The following GALNT14 variants were observed in gnomAD, a reference collection of about 807,000 sequenced individuals.
The protein encoded by GALNT14 is polypeptide N-acetylgalactosaminyltransferase 14.
A neutral mutation model predicts 77.5 loss-of-function variants in GALNT14; 60 were observed. That is an observed-to-expected ratio of 0.77 (90% CI 0.63 to 0.96). The LOEUF is 0.96. Among genes scored for constraint, GALNT14 ranks in the 40% least tolerant of loss-of-function variants. The pLI, the probability that GALNT14 is intolerant of heterozygous loss-of-function variation, is 0.00. For missense variants in GALNT14, 710 were observed against 731.0 expected (o/e 0.97, Z 0.33); for synonymous variants, 280 against 281.7 (o/e 0.99, Z 0.06).
At chr2:31,082,035 G>A (rs952689286) in intron 1 of GALNT14, among the ~76,000 whole-genome samples, 2 of 152,160 alleles carry the variant, frequency 1.3e-5, no homozygotes, top group African/African-American at 4.8e-5. Flanking sequence ...ACATCAACAG[G>A]GCAGGGAGCA....
At chr2:31,002,453 A>G (rs995434412) in intron 1 of GALNT14, among the ~76,000 whole-genome samples, 1 of 151,864 alleles carries the variant, frequency 6.6e-6, no homozygotes, top group Non-Finnish European at 1.5e-5. Context: ...TGAACTCACT[A>G]CTGAGATTCT....
At chr2:31,002,888 A>G (rs1363807383) in intron 1 of GALNT14, among the ~76,000 whole-genome samples, 2 of 152,164 alleles carry the variant, frequency 1.3e-5, no homozygotes, top group African/African-American at 2.4e-5. Flanking sequence ...CTTTCCCCTC[A>G]CCGAGGGACC....
At chr2:31,063,138 C>T (rs1172312367) in intron 1 of GALNT14, among the ~76,000 whole-genome samples, 5 of 152,128 alleles carry the variant, frequency 3.3e-5, no homozygotes, top group African/African-American at 1.2e-4. Context: ...TTTGCCCATG[C>T]CTATGTCCTG....
intron 1 of GALNT14, among the ~76,000 whole-genome samples, chr2:31,124,584 G>T (rs574186729): frequency 3.9e-5 from 6 of 152,268 alleles, no homozygotes; most frequent in Admixed American, 3.9e-4. Flanking sequence ...AAGAGAAAAT[G>T]TTAACAATTA....
chr2:31,126,738 C>G (rs1418699027), intron 1 of GALNT14: 1 of 152,262 alleles, frequency 6.6e-6, no homozygotes, highest in African/African-American at 2.4e-5. Flanking sequence ...GGCTACTATA[C>G]CAGCCAAAGT....
At chr2:31,015,562 G>C (rs779933790) in intron 1 of GALNT14, among the ~76,000 whole-genome samples, 1 of 152,192 alleles carries the variant, frequency 6.6e-6, no homozygotes, top group Non-Finnish European at 1.5e-5. Context: ...GGGAAAAAAA[G>C]AGTAATTTTA....
intron 1 of GALNT14, among the ~76,000 whole-genome samples, chr2:31,130,736 G>GTGTA (rs1206756364): frequency 6.4e-4 from 23 of 35,684 alleles, no homozygotes; most frequent in African/African-American, 2.3e-3. Flanking sequence ...GGGTACCTCT[G>GTGTA]TGTGTGTGTG....
chr2:31,075,482 T>C (rs111975076), intron 1 of GALNT14, among the ~76,000 whole-genome samples: 1,602 of 152,322 alleles, frequency 0.011, 13 homozygotes, highest in South Asian at 0.028. Context: ...CTCTGCGTCC[T>C]GGAGATCGGC....
At chr2:31,017,068 A>G (rs1415999611) in intron 1 of GALNT14, among the ~76,000 whole-genome samples, 3 of 152,262 alleles carry the variant, frequency 2.0e-5, no homozygotes, top group African/African-American at 7.2e-5. Context: ...TAGCTATGGC[A>G]GACTTCTAAT....
Position 31,027,921 on chromosome 2 carries a change from C to T in GALNT14, c.130-34914G>A, listed in dbSNP as rs547728506. Among the ~76,000 whole-genome samples the T allele has an allele frequency of 4.7e-4, 30 of 63,844 alleles. 1 individual carries two copies. Among genetic ancestry groups the T allele is most frequent in the South Asian group, 4.1e-3 (10 of 2,422 alleles). 41.9% of individuals were successfully genotyped at this position (63,844 alleles called of 152,430 possible). A position where few individuals can be genotyped will look rare whatever the true frequency, so the allele number is the denominator to read the frequency against. On this transcript the variant is annotated intron_variant, in intron 1 of 14. Coordinates refer to ENST00000349752, the MANE Select transcript of GALNT14 (RefSeq NM_024572.4). ...GTGTGTGTGTGTGTGTGTGTGTGCA[C>T]GCATGCATGCGCACATGCTTGGGGT...
intron 9 of GALNT14, among the ~76,000 whole-genome samples, chr2:30,938,791 T>C (rs1176708445): frequency 6.6e-6 from 1 of 152,250 alleles, no homozygotes; most frequent in Admixed American, 6.5e-5. Flanking sequence ...ACAGACACTC[T>C]GGCCAGAGCC....
At chr2:31,080,658 G>A (rs528897609) in intron 1 of GALNT14, among the ~76,000 whole-genome samples, 13 of 152,312 alleles carry the variant, frequency 8.5e-5, no homozygotes, top group South Asian at 4.1e-4. Context: ...CTCAGATGAC[G>A]TGGTTTCTCA....
chr2:30,994,033 C>A (rs1438801619), intron 1 of GALNT14, among the ~76,000 whole-genome samples: 1 of 152,224 alleles, frequency 6.6e-6, no homozygotes, highest in African/African-American at 2.4e-5. Flanking sequence ...TTAGCACTCT[C>A]ACCCCTGGGG....
intron 1 of GALNT14, among the ~76,000 whole-genome samples, chr2:31,042,020 G>A (rs953363573): frequency 1.3e-5 from 2 of 152,134 alleles, no homozygotes; most frequent in African/African-American, 4.8e-5. Flanking sequence ...CTGAACCTAA[G>A]GTCCCAGTGG....
chr2:30,966,231 C>A lies in GALNT14; in HGVS notation c.371G>T (p.Arg124Leu). 2 of 1,613,950 alleles carry A rather than the reference C, an allele frequency of 1.2e-6. No individual in the cohort carries two copies. The highest frequency in any genetic ancestry group is 1.7e-6 in the Non-Finnish European group (2 of 1,179,880). The change falls in exon 3 of 15, where the codon CGC becomes CTC. Residue 124 changes from arginine (R) to leucine (L), a missense_variant. Arg to Leu is a moderately radical substitution (Grantham distance 102). Coordinates refer to ENST00000349752, the MANE Select transcript of GALNT14 (RefSeq NM_024572.4). ...GCGGATGGTCCTGAGCAGCGTGGAG[C>A]GGGCCTCGTTGTGGAAGGTGATGAT... ...SIIITFHNEA[R>L]STLLRTIRSV...
the GALNT14 span, among the ~76,000 whole-genome samples, chr2:30,902,379 G>C: frequency 6.6e-6 from 1 of 152,152 alleles, no homozygotes; most frequent in African/African-American, 2.4e-5. Context: ...CCACTAAGGA[G>C]GCTTTAAGAC....
rs989468248 is a variant in GALNT14, at chr2:30,989,682, A to AATATATATTAGTATATATATAAAT, written c.299+3132_299+3155dup. ...AATATATATATTAGTATATATAAAA[A>AATATATATTAGTATATATATAAAT]ATATATATTAGTATATATATAAATA... On this transcript the variant is annotated intron_variant, in intron 2 of 14. Coordinates refer to ENST00000349752, the MANE Select transcript of GALNT14 (RefSeq NM_024572.4). 3.6e-3 allele frequency among the ~76,000 whole-genome samples: 413 copies of AATATATATTAGTATATATATAAAT among 115,256 alleles called. 6 individuals are homozygous for AATATATATTAGTATATATATAAAT. Among genetic ancestry groups the AATATATATTAGTATATATATAAAT allele is most frequent in the African/African-American group, 0.012 (394 of 32,652 alleles). 75.6% of individuals were successfully genotyped at this position (115,256 alleles called of 152,430 possible). A position where few individuals can be genotyped will look rare whatever the true frequency, so the allele number is the denominator to read the frequency against.
chr2:30,929,816 G>A (rs1289532872), intron 10 of GALNT14, among the ~76,000 whole-genome samples: 4 of 152,228 alleles, frequency 2.6e-5, no homozygotes, highest in Admixed American at 6.5e-5. Flanking sequence ...TCTTGGGGAT[G>A]GGACTCACAT....
At chr2:30,913,740 G>A (rs1211076525) in intron 13 of GALNT14, among the ~76,000 whole-genome samples, 2 of 152,160 alleles carry the variant, frequency 1.3e-5, no homozygotes, top group Admixed American at 1.3e-4. Flanking sequence ...CAAACTGTTG[G>A]TGTTGGGAGA....
Sources: gnomAD v4.1 joint callset for allele counts (sites outside exome capture counted in the v4.1 genomes callset) on GRCh38, gnomAD v4.1.1 for gene constraint, MANE v1.5 for transcripts, NCBI Gene and HGNC (gene_info 2026-07-23, HGNC 2026-07-21) for gene names.